GRIP1: variants seen among roughly 807,000 people sequenced by gnomAD.
GRIP1 encodes glutamate receptor-interacting protein 1.
Under a neutral mutation model 129.9 loss-of-function variants are expected in GRIP1, and 45 were observed. The observed-to-expected ratio is 0.35, with a 90% CI of 0.27 to 0.44. GRIP1 has a LOEUF of 0.44. Ranked by LOEUF, GRIP1 falls within the 20% of genes least tolerant of loss-of-function variation. The probability of loss-of-function intolerance (pLI) is 1.00; values close to 1 mark genes in which losing one functional copy is unlikely to be tolerated. For synonymous variants in GRIP1, 530 were observed against 520.8 expected, an observed-to-expected ratio of 1.02 and a Z score of -0.24; for missense variants, 1,196 against 1,396.8, an observed-to-expected ratio of 0.86 and a Z score of 2.29.
intron 1 of GRIP1, among the ~76,000 whole-genome samples, chr12:66,840,203 AAATAAT>A (rs1280650927): frequency 6.6e-6 from 1 of 152,112 alleles, no homozygotes; most frequent in African/African-American, 2.4e-5. Flanking sequence ...TGGGGATTTA[AAATAAT>A]AATAATAATA....
chr12:66,897,094 T>G (rs752007868), intron 1 of GRIP1, among the ~76,000 whole-genome samples: 4 of 152,182 alleles, frequency 2.6e-5, no homozygotes, highest in Non-Finnish European at 4.4e-5. Context: ...TGATTCCATT[T>G]TCTTATCTAT....
rs149463279 is a variant in GRIP1 at position 66,702,942 on chromosome 12, A to G, written c.-419-72606T>C. 2.5e-4 allele frequency among the ~76,000 whole-genome samples: 38 copies of G among 152,316 alleles called. No individual in the cohort carries two copies. The East Asian group carries it at 7.1e-3, about 29-fold the overall frequency. On this transcript the variant is annotated intron_variant, in intron 1 of 4. Coordinates refer to the GRIP1 transcript ENST00000538373. ...CCATGAGATAAAAGAAGTTAAAGCA[A>G]GCATATGTATTGTGCCATATACACC...
intron 7 of GRIP1, among the ~76,000 whole-genome samples, chr12:66,510,059 T>C (rs2060651892): frequency 6.6e-6 from 1 of 152,202 alleles, no homozygotes; most frequent in African/African-American, 2.4e-5. Flanking sequence ...AGTTCAACCA[T>C]ATTGAAGTGG....
chr12:66,490,366 C>T (rs2060072083), intron 7 of GRIP1, among the ~76,000 whole-genome samples: 1 of 152,132 alleles, frequency 6.6e-6, no homozygotes, highest in African/African-American at 2.4e-5. Flanking sequence ...CTTACAAAAA[C>T]AAGCAATGGG....
At chr12:67,000,323 A>C (rs1302807835) in intron 1 of GRIP1, among the ~76,000 whole-genome samples, 1 of 152,136 alleles carries the variant, frequency 6.6e-6, no homozygotes, top group Admixed American at 6.6e-5. Flanking sequence ...TCTATGAAAC[A>C]GATCATGTTA....
chr12:67,012,387 A>G (rs1270377637), intron 1 of GRIP1, among the ~76,000 whole-genome samples: 1 of 152,152 alleles, frequency 6.6e-6, no homozygotes. Flanking sequence ...TGGGTTATCT[A>G]ATGAGAGCCT....
chr12:66,577,425 G>A (rs2063178548), intron 2 of GRIP1, among the ~76,000 whole-genome samples: 1 of 152,358 alleles, frequency 6.6e-6, no homozygotes, highest in East Asian at 1.9e-4. Context: ...GGGAAAATAT[G>A]TGTATGTGAT....
At chr12:66,496,871 GAGA>G (rs2060252503) in intron 7 of GRIP1, among the ~76,000 whole-genome samples, 1 of 77,530 alleles carries the variant, frequency 1.3e-5, no homozygotes, top group Non-Finnish European at 2.9e-5. Context: ...AAAAGAAAGA[GAGA>G]GGATAGGAGA....
At chr12:67,029,800 T>C (rs970276193) in intron 1 of GRIP1, among the ~76,000 whole-genome samples, 2 of 152,046 alleles carry the variant, frequency 1.3e-5, no homozygotes, top group Non-Finnish European at 2.9e-5. Context: ...AGCAATGGTG[T>C]TTCTATTTTA....
chr12:66,669,124 A>T (rs902270930), intron 1 of GRIP1, among the ~76,000 whole-genome samples: 1 of 152,108 alleles, frequency 6.6e-6, no homozygotes, highest in African/African-American at 2.4e-5. Flanking sequence ...AAAAATTGAC[A>T]TCATTTGGCC....
intron 1 of GRIP1, among the ~76,000 whole-genome samples, chr12:66,743,575 T>C (rs1437387811): frequency 7.5e-6 from 1 of 134,168 alleles, no homozygotes; most frequent in Non-Finnish European, 1.7e-5. Context: ...ATGATGTCCA[T>C]AACGTAAATA....
chr12:66,462,795 C>T (rs1357107725), intron 9 of GRIP1, 129 bp downstream of exon 9: 5 of 619,784 alleles, frequency 8.1e-6, no homozygotes, highest in East Asian at 5.8e-5. Context: ...GAGTGAGACT[C>T]CATCTCAAAA....
rs371316854 is a variant in GRIP1 at position 66,465,225 on chromosome 12, C to T, written c.872+50G>A. 182 of 1,544,196 alleles carry T rather than the reference C, an allele frequency of 1.2e-4. 4 individuals carry two copies. The South Asian group carries it at 1.6e-3, about 13-fold the overall frequency. ...CCTCCCAAAGTGTTGGGATTACAGGCGTGAGCCACTGCGCCTGGCGGAAAA... is the reference window on the plus strand; with the variant it reads ...CCTCCCAAAGTGTTGGGATTACAGGTGTGAGCCACTGCGCCTGGCGGAAAA... On this transcript the variant is annotated intron_variant, in intron 8 of 24. Transcript: ENST00000359742.
chr12:66,734,315 A>G (rs2036530469), intron 1 of GRIP1, among the ~76,000 whole-genome samples: 1 of 152,196 alleles, frequency 6.6e-6, no homozygotes, highest in South Asian at 2.1e-4. Context: ...TGCTTCTGAC[A>G]AATTGGAAGA....
intron 1 of GRIP1, among the ~76,000 whole-genome samples, chr12:66,963,134 A>T (rs192653615): frequency 2.0e-3 from 307 of 151,876 alleles, no homozygotes; most frequent in African/African-American, 6.9e-3. Flanking sequence ...ACATGGTGGG[A>T]CCCCACCTCC....
chr12:66,950,019 A>G (rs1355081095), intron 1 of GRIP1, among the ~76,000 whole-genome samples: 2 of 150,806 alleles, frequency 1.3e-5, no homozygotes, highest in Non-Finnish European at 3.0e-5. Flanking sequence ...CTCGTGATCC[A>G]CCCATTTTGG....
At chr12:66,858,694 C>G (rs1178515645) in intron 1 of GRIP1, among the ~76,000 whole-genome samples, 2 of 151,958 alleles carry the variant, frequency 1.3e-5, no homozygotes, top group African/African-American at 4.8e-5. Flanking sequence ...CACCTCACCT[C>G]TATCCTCTTT....
intron 23 of GRIP1, 120 bp from the exon 24 acceptor site, chr12:66,353,683 T>C (rs1398814780): frequency 1.1e-6 from 1 of 877,280 alleles, no homozygotes; most frequent in Non-Finnish European, 1.9e-6. Flanking sequence ...AATATCAGCA[T>C]CAGTCAGCTC....
chr12:66,915,713 T>A (rs1414885503), intron 1 of GRIP1, among the ~76,000 whole-genome samples: 1 of 152,240 alleles, frequency 6.6e-6, no homozygotes, highest in Non-Finnish European at 1.5e-5. Context: ...GGCAATGAAC[T>A]TGTGAGGCCT....
Sources: gnomAD v4.1 joint callset for allele counts (sites outside exome capture counted in the v4.1 genomes callset) on GRCh38, gnomAD v4.1.1 for gene constraint, MANE v1.5 for transcripts, NCBI Gene and HGNC (gene_info 2026-07-23, HGNC 2026-07-21) for gene names.